CCDC3: variants seen among roughly 807,000 people sequenced by gnomAD.
The protein encoded by CCDC3 is coiled-coil domain-containing protein 3.
CCDC3 carries 24 observed loss-of-function variants against 21.4 expected under a neutral mutation model. The ratio of observed to expected loss-of-function variants is 1.12; its 90% confidence interval spans 0.81 to 1.58. The LOEUF (loss-of-function observed/expected upper bound fraction) is 1.58. Ranked by LOEUF, CCDC3 falls within the 40% of genes most tolerant of loss-of-function variation. The pLI is 0.00. For synonymous variants in CCDC3, 186 were observed against 166.0 expected (o/e 1.12, Z -0.93); for missense variants, 425 against 360.9 (o/e 1.18, Z -1.44).
At chr10:13,042,574 A>G (rs1836471827) in intron 5 of CCDC3, among the ~76,000 whole-genome samples, 1 of 152,132 alleles carries the variant, frequency 6.6e-6, no homozygotes, top group Non-Finnish European at 1.5e-5. Context: ...GAGAACTTCA[A>G]CTTCCTGCTT....
intron 2 of CCDC3, among the ~76,000 whole-genome samples, chr10:12,957,764 C>A (rs1454861750): frequency 1.3e-5 from 2 of 152,206 alleles, no homozygotes; most frequent in African/African-American, 4.8e-5. Context: ...TGAGACTGCC[C>A]CAGAAGCCAA....
intron 3 of CCDC3, among the ~76,000 whole-genome samples, chr10:13,075,151 C>G (rs1415322147): frequency 6.6e-6 from 1 of 152,252 alleles, no homozygotes; most frequent in Non-Finnish European, 1.5e-5. Context: ...AATCATCTCT[C>G]CAACTTCTTA....
intron 4 of CCDC3, among the ~76,000 whole-genome samples, chr10:13,069,536 C>A (rs750328663): frequency 9.9e-5 from 15 of 152,174 alleles, no homozygotes; most frequent in Non-Finnish European, 2.2e-4. Context: ...ATTTCTAACA[C>A]ATAACAGACT....
chr10:13,094,009 A>G (rs1249581775), intron 3 of CCDC3, among the ~76,000 whole-genome samples: 1 of 152,184 alleles, frequency 6.6e-6, no homozygotes, highest in Non-Finnish European at 1.5e-5. Flanking sequence ...TAAACAGAAA[A>G]TTTTGCTAAA....
intron 4 of CCDC3, among the ~76,000 whole-genome samples, chr10:13,055,229 G>T (rs970091855): frequency 3.9e-5 from 6 of 152,188 alleles, no homozygotes; most frequent in African/African-American, 1.4e-4. Context: ...GAGAGTGGAA[G>T]CTGCCTACGC....
At chr10:12,944,980 C>G (rs1366266149) in intron 2 of CCDC3, among the ~76,000 whole-genome samples, 1 of 152,184 alleles carries the variant, frequency 6.6e-6, no homozygotes, top group East Asian at 1.9e-4. Context: ...ACAACAATTT[C>G]ATTCTCAGGC....
intron 2 of CCDC3, among the ~76,000 whole-genome samples, chr10:12,903,252 G>A (rs944503243): frequency 2.0e-5 from 3 of 152,184 alleles, no homozygotes; most frequent in Admixed American, 2.0e-4. Context: ...TGATGGAGCC[G>A]ATGGAGCCCT....
chr10:12,970,225 G>A lies in CCDC3; in HGVS notation c.549+28113C>T, dbSNP rs748973462. On this transcript the variant is annotated intron_variant, in intron 2 of 2. Coordinates refer to ENST00000378825, the MANE Select transcript of CCDC3 (RefSeq NM_031455.4). ...ACAGACGCAAAATTTCAGTTACACC[G>A]GAGGAATGAGTTTACAAAATCTACT... Among the ~76,000 whole-genome samples the A allele has an allele frequency of 4.9e-4, 75 of 152,084 alleles. 1 individual carries two copies. Among genetic ancestry groups the A allele is most frequent in the African/African-American group, 1.5e-3 (63 of 41,400 alleles).
rs184863091 is a variant in CCDC3, at chr10:12,908,046, A to G, written c.550-9367T>C. Among the ~76,000 whole-genome samples, 35 of 152,346 alleles carry G rather than the reference A, an allele frequency of 2.3e-4. No individual in the cohort carries two copies. In the South Asian group the frequency reaches 6.0e-3, roughly 26 times the overall value. ...CTGCTGATGGCCCATGATTAAAATCAGGAAACATTGAGCTGTCTTGGGTGA... is the reference window on the plus strand; with the variant it reads ...CTGCTGATGGCCCATGATTAAAATCGGGAAACATTGAGCTGTCTTGGGTGA... On this transcript the variant is annotated intron_variant, in intron 2 of 2. Coordinates refer to ENST00000378825, the MANE Select transcript of CCDC3 (RefSeq NM_031455.4).
intron 5 of CCDC3, among the ~76,000 whole-genome samples, chr10:13,033,114 A>ACTGT (rs1836327257): frequency 6.6e-6 from 1 of 152,230 alleles, no homozygotes; most frequent in South Asian, 2.1e-4. Context: ...CAGTAACCAA[A>ACTGT]ATAGCATGGT....
intron 5 of CCDC3, among the ~76,000 whole-genome samples, chr10:13,019,419 A>C (rs1183919288): frequency 2.0e-5 from 3 of 152,186 alleles, no homozygotes; most frequent in Non-Finnish European, 2.9e-5. Context: ...AAAAGCCCAC[A>C]GGTATCACAA....
chr10:12,928,508 C>T (rs10508450), intron 2 of CCDC3, among the ~76,000 whole-genome samples: 8,006 of 152,244 alleles, frequency 0.053, 231 homozygotes, highest in Non-Finnish European at 0.071. Context: ...GATCCATTTT[C>T]TTATTCTCTT....
rs569727411 is a variant in CCDC3 at position 13,086,164 on chromosome 10, G to A, written c.-502-12064C>T. Among the ~76,000 whole-genome samples the A allele has an allele frequency of 2.8e-4, 43 of 152,242 alleles. No individual in the cohort carries two copies. In the South Asian group the frequency reaches 8.1e-3, roughly 29 times the overall value. ...GGCCAAGGGAAGCAGGAAAGATGGC[G>A]CATATGAGAAACAGAATAATTCATG... On this transcript the variant is annotated intron_variant, in intron 3 of 6. Transcript: ENST00000378839.
In CCDC3 at chr10:12,957,839, T is replaced by G. The variant is rs77364860; in HGVS notation, c.549+40499A>C. Among the ~76,000 whole-genome samples, 1,143 of 152,292 alleles carry G rather than the reference T, an allele frequency of 7.5e-3. 17 individuals carry two copies. The highest frequency in any genetic ancestry group is 0.056 in the East Asian group (291 of 5,186). On this transcript the variant is annotated intron_variant, in intron 2 of 2. Transcript: ENST00000378825. ...CCGTGAGCCAGTTAAACCTCTTTTC[T>G]TGTCTTTTTTGTTAATTTTTTTGTG...
intron 2 of CCDC3, among the ~76,000 whole-genome samples, chr10:12,964,017 C>A (rs184323636): frequency 1.3e-4 from 20 of 152,274 alleles, no homozygotes; most frequent in African/African-American, 4.6e-4. Context: ...TGATACAACT[C>A]TGGCCAATGA....
chr10:12,946,771 C>G (rs973610376), intron 2 of CCDC3, among the ~76,000 whole-genome samples: 8 of 152,324 alleles, frequency 5.3e-5, no homozygotes, highest in African/African-American at 1.7e-4. Flanking sequence ...TTTCTTCATT[C>G]TGTCTTCTGC....
chr10:13,089,032 A>G (rs1564344970), intron 3 of CCDC3, among the ~76,000 whole-genome samples: 2 of 152,002 alleles, frequency 1.3e-5, no homozygotes, highest in Non-Finnish European at 2.9e-5. Flanking sequence ...ATAAAAGAAG[A>G]AAGAAATATT....
At chr10:12,922,500 G>C (rs1834467856) in intron 2 of CCDC3, among the ~76,000 whole-genome samples, 1 of 152,178 alleles carries the variant, frequency 6.6e-6, no homozygotes, top group Non-Finnish European at 1.5e-5. Context: ...ACTGCTGTTA[G>C]GGTGGCTGTG....
chr10:13,006,132 T>C (rs1175953908), upstream of CCDC3, among the ~76,000 whole-genome samples: 1 of 152,178 alleles, frequency 6.6e-6, no homozygotes, highest in African/African-American at 2.4e-5. Flanking sequence ...CAATGTGATG[T>C]TTTGTGGAAC....
Sources: allele counts gnomAD v4.1 joint callset (sites outside exome capture counted in the v4.1 genomes callset), GRCh38; gene constraint gnomAD v4.1.1; transcripts MANE v1.5; gene names NCBI Gene and HGNC (gene_info 2026-07-23, HGNC 2026-07-21).